SLC35D4: variants seen among roughly 807,000 people sequenced by gnomAD.
SLC35D4 encodes UDP-N-acetylglucosamine transporter SLC35D4.
chr18:23,284,401 C>T, the SLC35D4 span, among the ~76,000 whole-genome samples: 8 of 152,224 alleles, frequency 5.3e-5, no homozygotes, highest in Non-Finnish European at 1.2e-4. Flanking sequence ...GCATTTCTTT[C>T]TACTGACTTC....
At chr18:23,281,651 C>G in the SLC35D4 span, among the ~76,000 whole-genome samples, 5 of 152,116 alleles carry the variant, frequency 3.3e-5, 1 homozygote, top group South Asian at 1.0e-3. Context: ...TTAAAAATCT[C>G]TGTGTGTCTA....
At chr18:23,345,641 C>T in the SLC35D4 span, among the ~76,000 whole-genome samples, 1 of 151,648 alleles carries the variant, frequency 6.6e-6, no homozygotes, top group African/African-American at 2.4e-5. Flanking sequence ...TAATTTAAGT[C>T]CCCCAACTTT....
At chr18:23,382,239 C>CAAA in the SLC35D4 span, among the ~76,000 whole-genome samples, 8 of 75,640 alleles carry the variant, frequency 1.1e-4, no homozygotes, top group East Asian at 3.6e-4. Flanking sequence ...GACTCAGTCT[C>CAAA]AAAAAAAAAA....
chr18:23,253,660 G>C, the SLC35D4 span: 1 of 1,274,398 alleles, frequency 7.8e-7, no homozygotes, highest in Non-Finnish European at 1.1e-6. Flanking sequence ...TTCAAGATGG[G>C]GGAGTTTTTC....
chr18:23,251,607 A>T, the SLC35D4 span, among the ~76,000 whole-genome samples: 1 of 152,228 alleles, frequency 6.6e-6, no homozygotes, highest in Non-Finnish European at 1.5e-5. Context: ...AGCAAGGAAG[A>T]CCAGGGTATT....
the SLC35D4 span, among the ~76,000 whole-genome samples, chr18:23,368,335 T>C: frequency 4.6e-5 from 7 of 152,204 alleles, no homozygotes; most frequent in Non-Finnish European, 1.0e-4. Flanking sequence ...TGGACACCCC[T>C]TGGGCCTGGG....
chr18:23,328,068 C>G, the SLC35D4 span, among the ~76,000 whole-genome samples: 1 of 152,130 alleles, frequency 6.6e-6, no homozygotes, highest in Non-Finnish European at 1.5e-5. Flanking sequence ...ATAGTAAGAG[C>G]TATTTATGAC....
the SLC35D4 span, among the ~76,000 whole-genome samples, chr18:23,316,805 T>C: frequency 6.6e-6 from 1 of 152,126 alleles, no homozygotes; most frequent in Non-Finnish European, 1.5e-5. Context: ...ATCTAGTTCA[T>C]GAAAGATAAG....
the SLC35D4 span, chr18:23,253,616 G>T: frequency 1.1e-6 from 1 of 885,510 alleles, no homozygotes; most frequent in Non-Finnish European, 1.8e-6. Flanking sequence ...TCCCAGTCCA[G>T]ATCACCCTCT....
chr18:23,266,614 C>A, the SLC35D4 span, among the ~76,000 whole-genome samples: 3 of 152,220 alleles, frequency 2.0e-5, no homozygotes. Flanking sequence ...GTCTCTTCAA[C>A]CAGGTGGCTT....
the SLC35D4 span, among the ~76,000 whole-genome samples, chr18:23,255,447 T>C: frequency 1.2e-4 from 19 of 152,120 alleles, no homozygotes; most frequent in Non-Finnish European, 1.2e-4. Flanking sequence ...TAAGAAATGG[T>C]ACAAAATCAT....
chr18:23,414,295 G>GAGGAAGGAAGGA, the SLC35D4 span, among the ~76,000 whole-genome samples: 18,915 of 123,818 alleles, frequency 0.15, 1,711 homozygotes, highest in East Asian at 0.24. Context: ...AAAAGGAAAG[G>GAGGAAGGAAGGA]AGGAAGGAAG....
chr18:23,294,305 T>G, the SLC35D4 span, among the ~76,000 whole-genome samples: 1 of 152,162 alleles, frequency 6.6e-6, no homozygotes, highest in Non-Finnish European at 1.5e-5. Context: ...TGGGCTTACC[T>G]GGAGACTCCC....
the SLC35D4 span, among the ~76,000 whole-genome samples, chr18:23,253,223 C>T: frequency 6.6e-6 from 1 of 152,200 alleles, no homozygotes; most frequent in African/African-American, 2.4e-5. Context: ...TGGCTCACAC[C>T]TGTAATCCCA....
chr18:23,422,822 C>A, the SLC35D4 span, among the ~76,000 whole-genome samples: 21 of 152,264 alleles, frequency 1.4e-4, 1 homozygote, highest in South Asian at 6.2e-4. Context: ...CCTCCCCCCC[C>A]CAATGCAGAA....
the SLC35D4 span, among the ~76,000 whole-genome samples, chr18:23,401,968 C>T: frequency 1.4e-3 from 211 of 152,330 alleles, 2 homozygotes; most frequent in Middle Eastern, 3.4e-3. Context: ...TAGAGGACAG[C>T]GGAGTGAGCC....
the SLC35D4 span, among the ~76,000 whole-genome samples, chr18:23,344,722 C>A: frequency 6.6e-6 from 1 of 151,658 alleles, no homozygotes; most frequent in Non-Finnish European, 1.5e-5. Context: ...CTGCCTCAGG[C>A]TCCCGAATAG....
At chr18:23,252,747 C>T in the SLC35D4 span, among the ~76,000 whole-genome samples, 2 of 152,198 alleles carry the variant, frequency 1.3e-5, no homozygotes, top group African/African-American at 4.8e-5. Flanking sequence ...AGTGTCACCT[C>T]ATCCTAATAG....
At chr18:23,290,672 G>C in the SLC35D4 span, among the ~76,000 whole-genome samples, 1 of 149,042 alleles carries the variant, frequency 6.7e-6, no homozygotes, top group South Asian at 2.1e-4. Flanking sequence ...TGTCGCCCAC[G>C]CTGGAGTGCA....
Sources: gnomAD v4.1 joint callset for allele counts (sites outside exome capture counted in the v4.1 genomes callset) on GRCh38, gnomAD v4.1.1 for gene constraint, MANE v1.5 for transcripts, NCBI Gene and HGNC (gene_info 2026-07-23, HGNC 2026-07-21) for gene names.